The following CNTNAP2 variants were observed in gnomAD, a reference collection of about 807,000 sequenced individuals.
CNTNAP2 encodes the protein contactin associated protein 2.
In CNTNAP2, 98 loss-of-function variants were observed where a neutral mutation model predicts 155.2. The observed-to-expected ratio is 0.63, with a 90% CI of 0.54 to 0.75. The LOEUF (loss-of-function observed/expected upper bound fraction) is 0.75. Ranked by LOEUF, CNTNAP2 falls within the 30% of genes least tolerant of loss-of-function variation. CNTNAP2 has a pLI of 0.00. For synonymous variants in CNTNAP2, 651 were observed against 631.2 expected (o/e 1.03, Z -0.47); for missense variants, 1,727 against 1,688.1 (o/e 1.02, Z -0.40).
At chr7:147,048,382 G>A (rs1799409424) in intron 4 of CNTNAP2, among the ~76,000 whole-genome samples, 1 of 152,160 alleles carries the variant, frequency 6.6e-6, no homozygotes. Flanking sequence ...TCTCTGGAGG[G>A]AATGTGATCT....
intron 1 of CNTNAP2, among the ~76,000 whole-genome samples, chr7:146,482,218 A>AC (rs1226093167): frequency 1.3e-5 from 2 of 150,946 alleles, no homozygotes; most frequent in Non-Finnish European, 3.0e-5. Context: ...AAAAAAAAAA[A>AC]AAAAAAAACT....
Position 148,061,968 on chromosome 7 carries a change from TAG to T in CNTNAP2, c.2384-56148_2384-56147del, listed in dbSNP as rs1362342652. Among the ~76,000 whole-genome samples the T allele has an allele frequency of 6.3e-4, 78 of 123,600 alleles. 2 individuals are homozygous for T. Among genetic ancestry groups the T allele is most frequent in the African/African-American group, 1.7e-3 (43 of 25,588 alleles). The allele number at this position is 123,600 out of a possible 152,430, so 81.1% of individuals were successfully genotyped here. ...AGATAAACAGATATAGATAGATAGA[TAG>T]ATAGATAGATAGATAGATAGATAGA... On this transcript the variant is annotated intron_variant, in intron 15 of 23. Coordinates refer to ENST00000361727, the MANE Select transcript of CNTNAP2 (RefSeq NM_014141.6).
chr7:148,172,674 G>C (rs1794843932), intron 18 of CNTNAP2, among the ~76,000 whole-genome samples, 196 bp downstream of exon 18: 1 of 152,176 alleles, frequency 6.6e-6, no homozygotes, highest in African/African-American at 2.4e-5. Context: ...AATGAGAGAA[G>C]CTCTGTGTAT....
intron 14 of CNTNAP2, among the ~76,000 whole-genome samples, chr7:147,942,888 T>C (rs1422289644): frequency 6.6e-6 from 1 of 151,956 alleles, no homozygotes. Context: ...ATAAAAAAAC[T>C]TATCTGGGTG....
intron 1 of CNTNAP2, among the ~76,000 whole-genome samples, chr7:146,308,541 C>T (rs1014134249): frequency 2.2e-4 from 33 of 151,468 alleles, no homozygotes; most frequent in East Asian, 2.1e-3. Flanking sequence ...ATGTTTATTG[C>T]GGCACTATTC....
intron 3 of CNTNAP2, among the ~76,000 whole-genome samples, chr7:146,855,031 G>A (rs976487887): frequency 2.6e-5 from 4 of 151,846 alleles, no homozygotes; most frequent in Non-Finnish European, 5.9e-5. Context: ...ATAGAAACAG[G>A]CAAAAACATG....
At chr7:146,898,831 C>G (rs2129213130) in intron 3 of CNTNAP2, among the ~76,000 whole-genome samples, 1 of 151,902 alleles carries the variant, frequency 6.6e-6, no homozygotes, top group East Asian at 1.9e-4. Context: ...TAAAAGGGGC[C>G]AGCCCTCTCT....
intron 8 of CNTNAP2, among the ~76,000 whole-genome samples, chr7:147,278,763 A>C (rs550009377): frequency 6.6e-6 from 1 of 151,602 alleles, no homozygotes; most frequent in Non-Finnish European, 1.5e-5. Context: ...TCTATCATTA[A>C]TCCCTTATAA....
chr7:147,242,987 A>AGTTTTTTTTTTTTTTTT (rs1803974719), intron 8 of CNTNAP2, among the ~76,000 whole-genome samples: 1 of 47,168 alleles, frequency 2.1e-5, no homozygotes. Flanking sequence ...TATGCTTTGC[A>AGTTTTTTTTTTTTTTTT]TTTTTTTTTT....
chr7:147,039,478 T>C (rs774274199), intron 3 of CNTNAP2, among the ~76,000 whole-genome samples: 19 of 152,218 alleles, frequency 1.2e-4, no homozygotes, highest in Non-Finnish European at 2.2e-4. Flanking sequence ...TGGTTTTCTG[T>C]TCCTGCATTT....
chr7:148,006,878 G>A (rs375132041), intron 15 of CNTNAP2, among the ~76,000 whole-genome samples: 13 of 152,262 alleles, frequency 8.5e-5, no homozygotes, highest in East Asian at 1.9e-4. Flanking sequence ...TGTATCTTCA[G>A]GTTGAGGCTA....
At chr7:147,411,542 G>A (rs1342969675) in intron 10 of CNTNAP2, among the ~76,000 whole-genome samples, 1 of 152,110 alleles carries the variant, frequency 6.6e-6, no homozygotes, top group African/African-American at 2.4e-5. Context: ...AGCGATCCGA[G>A]ACCCAGACTC....
At chr7:147,128,068 A>G (rs889410107) in intron 6 of CNTNAP2, among the ~76,000 whole-genome samples, 1 of 152,122 alleles carries the variant, frequency 6.6e-6, no homozygotes, top group Non-Finnish European at 1.5e-5. Context: ...CTTAAGATTT[A>G]AAAGACCTAT....
intron 20 of CNTNAP2, among the ~76,000 whole-genome samples, chr7:148,248,987 G>A (rs1796321658): frequency 2.0e-5 from 3 of 152,154 alleles, no homozygotes; most frequent in Admixed American, 2.0e-4. Context: ...GACTTTTCAA[G>A]TGCTTATTGA....
At chr7:147,564,785 G>A (rs1229337638) in intron 12 of CNTNAP2, among the ~76,000 whole-genome samples, 1 of 152,116 alleles carries the variant, frequency 6.6e-6, no homozygotes, top group Non-Finnish European at 1.5e-5. Context: ...ATTTAACTCA[G>A]CACTTCAAAT....
At chr7:146,192,851 A>G (rs913520628) in intron 1 of CNTNAP2, among the ~76,000 whole-genome samples, 1 of 152,222 alleles carries the variant, frequency 6.6e-6, no homozygotes, top group African/African-American at 2.4e-5. Context: ...CCTTCTGCCT[A>G]TGAATCTGTA....
chr7:148,241,887 A>G (rs1796164391), intron 20 of CNTNAP2, among the ~76,000 whole-genome samples: 1 of 152,182 alleles, frequency 6.6e-6, no homozygotes, highest in African/African-American at 2.4e-5. Flanking sequence ...TACACTCCAG[A>G]AAAATGTGTT....
At chr7:147,420,294 A>C (rs528713981) in intron 10 of CNTNAP2, among the ~76,000 whole-genome samples, 2 of 152,326 alleles carry the variant, frequency 1.3e-5, no homozygotes, top group South Asian at 4.1e-4. Flanking sequence ...TATTAGGTAT[A>C]ATTTTTAAAG....
chr7:147,278,954 A>G (rs548883801), intron 8 of CNTNAP2, among the ~76,000 whole-genome samples: 1 of 151,584 alleles, frequency 6.6e-6, no homozygotes, highest in East Asian at 1.9e-4. Flanking sequence ...ATGAATACAA[A>G]TTACTTTCTA....
Sources: allele counts gnomAD v4.1 joint callset (sites outside exome capture counted in the v4.1 genomes callset), GRCh38; gene constraint gnomAD v4.1.1; transcripts MANE v1.5; gene names NCBI Gene and HGNC (gene_info 2026-07-23, HGNC 2026-07-21).